Variants in NLGN1 observed in about 807,000 individuals in gnomAD.
NLGN1 encodes the protein neuroligin 1.
NLGN1 carries 12 observed loss-of-function variants against 65.5 expected under a neutral mutation model. That is an observed-to-expected ratio of 0.18 (90% CI 0.12 to 0.30). The LOEUF is 0.30. Among genes scored for constraint, NLGN1 ranks in the 10% least tolerant of loss-of-function variants. NLGN1 has a pLI of 1.00. For synonymous variants in NLGN1, 350 were observed against 359.5 expected (o/e 0.97, Z 0.30); for missense variants, 750 against 1,007.1 (o/e 0.74, Z 3.46).
At chr3:174,173,710 T>TTGTG (rs142590328) in intron 4 of NLGN1, among the ~76,000 whole-genome samples, 68 of 149,108 alleles carry the variant, frequency 4.6e-4, no homozygotes, top group African/African-American at 1.3e-3. Flanking sequence ...GTGTGTATGT[T>TTGTG]TGTGTGTGTG....
intron 2 of NLGN1, among the ~76,000 whole-genome samples, chr3:173,442,323 A>G (rs1218849579): frequency 6.6e-6 from 1 of 152,156 alleles, no homozygotes; most frequent in East Asian, 1.9e-4. Context: ...AATGTATCAA[A>G]TGTTTATTTT....
intron 4 of NLGN1, among the ~76,000 whole-genome samples, chr3:174,233,394 G>C (rs750034885): frequency 2.6e-5 from 4 of 152,110 alleles, no homozygotes; most frequent in Non-Finnish European, 5.9e-5. Flanking sequence ...GCTGAGGCGG[G>C]AGAATCGCTT....
intron 3 of NLGN1, among the ~76,000 whole-genome samples, chr3:173,753,484 C>T (rs1776611355): frequency 6.6e-6 from 1 of 152,214 alleles, no homozygotes; most frequent in Non-Finnish European, 1.5e-5. Flanking sequence ...GTTATGTTGG[C>T]TATACCTTCA....
intron 4 of NLGN1, among the ~76,000 whole-genome samples, chr3:174,197,343 C>G (rs552418247): frequency 6.6e-6 from 1 of 151,726 alleles, no homozygotes; most frequent in South Asian, 2.1e-4. Context: ...TAACAGGAAC[C>G]AAGCCGTCTT....
At chr3:173,950,959 C>A (rs775262683) in intron 4 of NLGN1, among the ~76,000 whole-genome samples, 1 of 152,018 alleles carries the variant, frequency 6.6e-6, no homozygotes, top group Non-Finnish European at 1.5e-5. Flanking sequence ...CTCCGTCTCC[C>A]GGGTTCAAGC....
chr3:174,147,720 A>G (rs1248234098), intron 4 of NLGN1, among the ~76,000 whole-genome samples: 1 of 151,956 alleles, frequency 6.6e-6, no homozygotes, highest in African/African-American at 2.4e-5. Flanking sequence ...CTGGCCGAAA[A>G]CGTGCTAGTT....
intron 3 of NLGN1, among the ~76,000 whole-genome samples, chr3:173,749,618 A>G (rs1272572310): frequency 6.6e-6 from 1 of 152,056 alleles, no homozygotes; most frequent in African/African-American, 2.4e-5. Context: ...AAACAATATC[A>G]GAGATCTTTA....
exon 7 of NLGN1, chr3:174,284,891 C>T (rs530645261): frequency 3.3e-5 from 5 of 151,404 alleles, no homozygotes; most frequent in Admixed American, 1.3e-4. Context: ...TTATTTCCGA[C>T]TTCCTGATCT....
At chr3:173,519,876 A>G (rs987005219) in intron 2 of NLGN1, among the ~76,000 whole-genome samples, 18 of 152,254 alleles carry the variant, frequency 1.2e-4, no homozygotes, top group Admixed American at 1.2e-3. Context: ...GGAGGGGCCA[A>G]GGGTGGGATG....
chr3:174,276,587 A>G (rs1472294049), intron 5 of NLGN1, among the ~76,000 whole-genome samples: 1 of 151,908 alleles, frequency 6.6e-6, no homozygotes, highest in Non-Finnish European at 1.5e-5. Context: ...CACCAAACAT[A>G]TGGTATTTGT....
chr3:173,563,332 G>A (rs974553140), intron 2 of NLGN1, among the ~76,000 whole-genome samples: 4 of 152,152 alleles, frequency 2.6e-5, no homozygotes, highest in Non-Finnish European at 4.4e-5. Flanking sequence ...CATCAGCTGG[G>A]CCTTTGAGAG....
rs112543822 is a variant in NLGN1 at position 173,671,134 on chromosome 3, C to G, written c.493+66043C>G. 9.8e-3 allele frequency among the ~76,000 whole-genome samples: 1,498 copies of G among 152,262 alleles called. 31 individuals carry two copies. Among genetic ancestry groups the G allele is most frequent in the African/African-American group, 0.034 (1,432 of 41,530 alleles). ...CCAATCATATGTTGGGCAAATAATACTTTTTGCTTCCCTGGCAAAACTCTG... is the reference window on the plus strand; with the variant it reads ...CCAATCATATGTTGGGCAAATAATAGTTTTTGCTTCCCTGGCAAAACTCTG... On this transcript the variant is annotated intron_variant, in intron 3 of 6. Transcript: ENST00000457714.
intron 2 of NLGN1, among the ~76,000 whole-genome samples, chr3:173,597,080 C>A (rs758009675): frequency 3.3e-5 from 5 of 152,166 alleles, no homozygotes; most frequent in Non-Finnish European, 5.9e-5. Flanking sequence ...AGATGAGCAG[C>A]CTTTTTATTT....
At chr3:173,896,499 G>A (rs1047428178) in intron 4 of NLGN1, among the ~76,000 whole-genome samples, 1 of 152,144 alleles carries the variant, frequency 6.6e-6, no homozygotes, top group Admixed American at 6.5e-5. Flanking sequence ...TTTTAGAATT[G>A]CTTGGGTGAG....
chr3:173,483,733 C>T (rs1413790027), intron 2 of NLGN1, among the ~76,000 whole-genome samples: 2 of 151,926 alleles, frequency 1.3e-5, no homozygotes, highest in Non-Finnish European at 2.9e-5. Flanking sequence ...GTGGAAGGGC[C>T]CTTGCAGATC....
chr3:173,790,176 G>A (rs1712361887), intron 3 of NLGN1, among the ~76,000 whole-genome samples: 1 of 152,084 alleles, frequency 6.6e-6, no homozygotes, highest in African/African-American at 2.4e-5. Context: ...ATATATGTGT[G>A]TGTGTATATA....
chr3:173,923,549 TG>T (rs1422210439), intron 4 of NLGN1, among the ~76,000 whole-genome samples: 1 of 152,124 alleles, frequency 6.6e-6, no homozygotes, highest in Non-Finnish European at 1.5e-5. Context: ...ATTGCTGGTG[TG>T]GGTTAAACAT....
intron 2 of NLGN1, among the ~76,000 whole-genome samples, chr3:173,539,795 TAC>T (rs1560407753): frequency 1.2e-5 from 1 of 84,090 alleles, no homozygotes; most frequent in African/African-American, 6.2e-5. Flanking sequence ...TGTACATATA[TAC>T]ATATATATAC....
chr3:173,947,059 ATT>A (rs63224363), intron 4 of NLGN1, among the ~76,000 whole-genome samples: 7 of 134,908 alleles, frequency 5.2e-5, no homozygotes, highest in Non-Finnish European at 7.8e-5. Context: ...AGTTGTTAGG[ATT>A]TTTTTTTTTT....
Sources: gnomAD v4.1 joint callset for allele counts (sites outside exome capture counted in the v4.1 genomes callset) on GRCh38, gnomAD v4.1.1 for gene constraint, MANE v1.5 for transcripts, NCBI Gene and HGNC (gene_info 2026-07-23, HGNC 2026-07-21) for gene names.